Variants in NBPF20 observed in about 807,000 individuals in gnomAD.
The protein encoded by NBPF20 is NBPF member 20.
Under a neutral mutation model 68.1 loss-of-function variants are expected in NBPF20, and 90 were observed. The observed-to-expected ratio is 1.32, with a 90% CI of 1.11 to 1.58. The LOEUF (loss-of-function observed/expected upper bound fraction) is 1.58. Among genes scored for constraint, NBPF20 ranks in the 40% most tolerant of loss-of-function variants. The probability of loss-of-function intolerance (pLI) is 0.00; values close to 1 mark genes in which losing one functional copy is unlikely to be tolerated. For synonymous variants in NBPF20, 290 were observed against 228.1 expected (o/e 1.27, Z -2.45); for missense variants, 816 against 601.2 (o/e 1.36, Z -3.74).
At chr1:145,398,343 T>C (rs1472255367) in intron 7 of NBPF20, among the ~76,000 whole-genome samples, 1 of 151,752 alleles carries the variant, frequency 6.6e-6, no homozygotes, top group African/African-American at 2.4e-5. Flanking sequence ...AAAGCACTCG[T>C]CAGCAAATGT....
chr1:145,412,174 G>T, the NBPF20 span, among the ~76,000 whole-genome samples: 4 of 151,310 alleles, frequency 2.6e-5, no homozygotes, highest in Admixed American at 2.0e-4. Context: ...CTCCCCTGTA[G>T]GTTGAAAAGG....
intron 137 of NBPF20, among the ~76,000 whole-genome samples, 190 bp downstream of exon 142, chr1:145,292,191 C>A (rs1160248062): frequency 4.0e-5 from 6 of 149,808 alleles, no homozygotes; most frequent in Non-Finnish European, 8.8e-5. Flanking sequence ...ACCTATGGCA[C>A]GTTAGTAAAA....
Position 145,292,693 on chromosome 1 carries a change from C to G in NBPF20, c.16589-204G>C, listed in dbSNP as rs587658980. 4.3e-4 allele frequency among the ~76,000 whole-genome samples: 62 copies of G among 145,382 alleles called. No individual in the cohort carries two copies. In the East Asian group the frequency reaches 0.012, roughly 28 times the overall value. ...CCCAGAAACTGTGGGTAAAATGTCC[C>G]TATTCTAGTAGATCGTTATCCCAAT... On this transcript the variant is annotated intron_variant, in intron 136 of 137. Coordinates refer to ENST00000369373, the Ensembl canonical transcript of NBPF20.
At chr1:145,410,668 C>T in the NBPF20 span, among the ~76,000 whole-genome samples, 10 of 145,730 alleles carry the variant, frequency 6.9e-5, 1 homozygote, top group South Asian at 2.2e-3. Flanking sequence ...TTTCAATGTG[C>T]TGTTTATCTT....
chr1:145,410,503 C>T (rs1318643024), upstream of NBPF20, among the ~76,000 whole-genome samples: 27 of 150,502 alleles, frequency 1.8e-4, no homozygotes, highest in Non-Finnish European at 3.1e-4. Flanking sequence ...TTAGTAGAGA[C>T]GGGGTTTCAC....
At chr1:145,291,846 A>T (rs1420003912) in intron 137 of NBPF20, 77 bp from the exon 143 acceptor site, 1 of 1,610,868 alleles carries the variant, frequency 6.2e-7, no homozygotes. Context: ...TTCAGAAGTC[A>T]CATAAGGAAG....
At chr1:145,424,826 T>C in the NBPF20 span, among the ~76,000 whole-genome samples, 1 of 152,096 alleles carries the variant, frequency 6.6e-6, no homozygotes, top group Non-Finnish European at 1.5e-5. Flanking sequence ...AGTCATGAGG[T>C]GATTCAGTGA....
chr1:145,393,443 TCACACACACACACAAACACACACACA>T (rs1662023667), intron 9 of NBPF20, among the ~76,000 whole-genome samples, 197 bp from the exon 15 acceptor site: 2 of 100,490 alleles, frequency 2.0e-5, no homozygotes, highest in African/African-American at 7.8e-5. Context: ...AGACACACAC[TCACACACACACACAAACACACACACA>T]CACACACACA....
the NBPF20 span, among the ~76,000 whole-genome samples, chr1:145,413,472 C>G: frequency 2.0e-5 from 3 of 152,196 alleles, no homozygotes; most frequent in South Asian, 6.2e-4. Context: ...CATGGAACGG[C>G]TAAAGGAACA....
the NBPF20 span, among the ~76,000 whole-genome samples, chr1:145,417,614 C>A: frequency 4.4e-5 from 4 of 91,780 alleles, no homozygotes; most frequent in Admixed American, 1.3e-4. Flanking sequence ...AACTAAACAA[C>A]ACAAAGCAAA....
chr1:145,292,395 G>A (rs782795538), exon 137 of NBPF20: 6 of 684,510 alleles, frequency 8.8e-6, no homozygotes, highest in Admixed American at 2.2e-5. Context: ...GGCATGGTGG[G>A]TTTTGATCTT....
At chr1:145,398,883 A>G (rs1662383529) in intron 7 of NBPF20, among the ~76,000 whole-genome samples, 166 bp downstream of exon 12, 1 of 149,358 alleles carries the variant, frequency 6.7e-6, no homozygotes, top group South Asian at 2.1e-4. Flanking sequence ...CTATGAAATT[A>G]AAACCAATAC....
chr1:145,291,481 G>A (rs368139588), exon 138 of NBPF20: 3 of 1,611,944 alleles, frequency 1.9e-6, no homozygotes, highest in Non-Finnish European at 2.5e-6. Flanking sequence ...CGTGCCTATA[G>A]GTCCTGCCTG....
the NBPF20 span, among the ~76,000 whole-genome samples, chr1:145,415,824 ATC>A: frequency 6.0e-5 from 9 of 151,152 alleles, no homozygotes; most frequent in Non-Finnish European, 1.2e-4. Context: ...TAACAATCTG[ATC>A]TCTCTTTCTT....
At chr1:145,290,601 T>G (rs1661005045) in exon 138 of NBPF20, 1 of 150,720 alleles carries the variant, frequency 6.6e-6, no homozygotes, top group East Asian at 1.9e-4. Context: ...TCAAAATAAC[T>G]AAAGAAATGC....
At position 145,396,680 on chromosome 1, in the gene NBPF20, A is replaced by T. The variant is rs1181280799; in HGVS notation, c.828-1539T>A. On this transcript the variant is annotated intron_variant, in intron 7 of 137. Coordinates refer to ENST00000369373, the Ensembl canonical transcript of NBPF20. ...TGGCACAAACCCTACAAGCCAGAAG[A>T]GAGTGGGAGCAATATTCAACATTCT... Among the ~76,000 whole-genome samples the T allele has an allele frequency of 3.0e-4, 46 of 150,846 alleles. 1 individual carries two copies. In the South Asian group the frequency reaches 6.0e-3, roughly 20 times the overall value.
At chr1:145,398,352 G>A in intron 7 of NBPF20, among the ~76,000 whole-genome samples, 1 of 151,804 alleles carries the variant, frequency 6.6e-6, no homozygotes, top group African/African-American at 2.4e-5. Context: ...GTCAGCAAAT[G>A]TAAAAGAATG....
the NBPF20 span, among the ~76,000 whole-genome samples, chr1:145,412,227 A>G: frequency 6.6e-6 from 1 of 151,920 alleles, no homozygotes; most frequent in Non-Finnish European, 1.5e-5. Flanking sequence ...TGGCTCTGAT[A>G]TTCTGTGACT....
At chr1:145,393,833 C>T in intron 9 of NBPF20, 51 bp downstream of exon 14, 3 of 1,329,708 alleles carry the variant, frequency 2.3e-6, no homozygotes, top group Admixed American at 1.7e-5. Context: ...CTGGACTTGG[C>T]ATCTCCAGGT....
Sources: gnomAD v4.1 joint callset for allele counts (sites outside exome capture counted in the v4.1 genomes callset) on GRCh38, gnomAD v4.1.1 for gene constraint, MANE v1.5 for transcripts, NCBI Gene and HGNC (gene_info 2026-07-23, HGNC 2026-07-21) for gene names.